Variants in ESRRG observed in about 807,000 individuals in gnomAD.
ESRRG encodes estrogen-related receptor gamma.
ESRRG carries 13 observed loss-of-function variants against 44.0 expected under a neutral mutation model. That is an observed-to-expected ratio of 0.30 (90% CI 0.19 to 0.47). ESRRG has a LOEUF of 0.47. Ranked by LOEUF, ESRRG falls within the 20% of genes least tolerant of loss-of-function variation. The pLI is 1.00. For missense variants in ESRRG, 395 were observed against 580.6 expected (o/e 0.68, Z 3.29); for synonymous variants, 215 against 214.6 (o/e 1.00, Z -0.02).
chr1:216,799,807 C>T (rs1466546234), intron 2 of ESRRG, among the ~76,000 whole-genome samples: 3 of 152,098 alleles, frequency 2.0e-5, no homozygotes, highest in African/African-American at 7.2e-5. Context: ...AAAACAGAAA[C>T]ATTCCAGGCA....
At chr1:216,655,571 C>T (rs1258939765) in intron 2 of ESRRG, among the ~76,000 whole-genome samples, 1 of 152,160 alleles carries the variant, frequency 6.6e-6, no homozygotes, top group Admixed American at 6.5e-5. Context: ...GTGGTCCTAG[C>T]ATCTTCACAA....
chr1:216,503,586 C>T lies in ESRRG; in HGVS notation c.*3353G>A, dbSNP rs550858150. Reference sequence around the variant, plus strand: ...GCAGTTTAAATTTTTTGTCCTTTTACGATCTTTGCACATAAGACTGCCATA... The same window carrying T: ...GCAGTTTAAATTTTTTGTCCTTTTATGATCTTTGCACATAAGACTGCCATA... On this transcript the variant is annotated 3_prime_UTR_variant, in exon 7 of 7. Transcript: ENST00000408911. 13 of 152,362 alleles carry T rather than the reference C, an allele frequency of 8.5e-5. No homozygotes were observed. Among genetic ancestry groups the T allele is most frequent in the African/African-American group, 2.7e-4 (11 of 41,366 alleles). 9.4% of individuals were successfully genotyped at this position (152,362 alleles called of 1,614,324 possible). A position where few individuals can be genotyped will look rare whatever the true frequency, so the allele number is the denominator to read the frequency against.
intron 2 of ESRRG, among the ~76,000 whole-genome samples, chr1:216,873,886 GGGAAGGGAAGGGAAGGGAAGGGA>G (rs2096298616): frequency 3.1e-4 from 9 of 29,102 alleles, no homozygotes; most frequent in African/African-American, 1.2e-3. Flanking sequence ...AGGGAGGGAA[GGGAAGGGAAGGGAAGGGAAGGGA>G]AGGGAAGGGA....
intron 1 of ESRRG, among the ~76,000 whole-genome samples, chr1:216,985,203 G>A (rs943449380): frequency 2.6e-5 from 4 of 152,178 alleles, no homozygotes; most frequent in African/African-American, 9.7e-5. Flanking sequence ...AGGTGTGATA[G>A]GGCAGGAGAT....
At chr1:217,084,509 T>C (rs1166112272) in intron 1 of ESRRG, among the ~76,000 whole-genome samples, 5 of 152,186 alleles carry the variant, frequency 3.3e-5, no homozygotes, top group Admixed American at 3.3e-4. Context: ...CGTAGATATC[T>C]GGAAATATGG....
chr1:216,564,950 A>G (rs1277915252), intron 4 of ESRRG, among the ~76,000 whole-genome samples: 1 of 152,116 alleles, frequency 6.6e-6, no homozygotes, highest in Admixed American at 6.6e-5. Flanking sequence ...TGCATTAAAT[A>G]GGAATTTATT....
intron 2 of ESRRG, among the ~76,000 whole-genome samples, chr1:216,669,920 T>C (rs1403793333): frequency 6.6e-6 from 1 of 152,080 alleles, no homozygotes; most frequent in Non-Finnish European, 1.5e-5. Flanking sequence ...AGCAATGAAT[T>C]ATATACAACA....
At chr1:216,998,153 C>T (rs1442354386) in intron 1 of ESRRG, among the ~76,000 whole-genome samples, 2 of 152,140 alleles carry the variant, frequency 1.3e-5, no homozygotes, top group Non-Finnish European at 2.9e-5. Flanking sequence ...GTAGAAGCAG[C>T]TAACCTCTTG....
At chr1:216,947,217 C>T (rs1225747872) in intron 1 of ESRRG, among the ~76,000 whole-genome samples, 2 of 151,998 alleles carry the variant, frequency 1.3e-5, no homozygotes, top group East Asian at 1.9e-4. Flanking sequence ...TCTGTCTTCT[C>T]GGTACACTCT....
At chr1:216,871,604 C>T (rs887177225) in intron 2 of ESRRG, among the ~76,000 whole-genome samples, 1 of 152,006 alleles carries the variant, frequency 6.6e-6, no homozygotes, top group African/African-American at 2.4e-5. Context: ...GTAGATTTGC[C>T]TATTTCTACT....
At chr1:217,125,663 C>T (rs1231427762) in intron 1 of ESRRG, among the ~76,000 whole-genome samples, 1 of 152,148 alleles carries the variant, frequency 6.6e-6, no homozygotes, top group African/African-American at 2.4e-5. Flanking sequence ...AAAAACATGG[C>T]ATATCTATGG....
At chr1:216,575,715 T>G (rs1448700859) in intron 3 of ESRRG, among the ~76,000 whole-genome samples, 1 of 152,180 alleles carries the variant, frequency 6.6e-6, no homozygotes, top group Admixed American at 6.5e-5. Flanking sequence ...ATGTTTAAAC[T>G]GCTTCTCTGC....
intron 1 of ESRRG, chr1:216,707,374 A>T: frequency 6.5e-7 from 1 of 1,535,984 alleles, no homozygotes; most frequent in Non-Finnish European, 8.7e-7. Flanking sequence ...AGCTGAAGGA[A>T]CACAGGCCAG....
At chr1:216,951,788 A>G (rs1266542955) in intron 1 of ESRRG, among the ~76,000 whole-genome samples, 1 of 151,262 alleles carries the variant, frequency 6.6e-6, no homozygotes, top group Non-Finnish European at 1.5e-5. Context: ...CTTGCATTAA[A>G]TATGCTTAAA....
At chr1:216,948,789 C>T (rs551489891) in intron 1 of ESRRG, among the ~76,000 whole-genome samples, 19 of 151,932 alleles carry the variant, frequency 1.3e-4, no homozygotes, top group Non-Finnish European at 2.6e-4. Context: ...TTTTTTAGAC[C>T]AAAGCTGAAT....
At chr1:216,553,471 C>T (rs2056872593) in intron 5 of ESRRG, among the ~76,000 whole-genome samples, 1 of 152,016 alleles carries the variant, frequency 6.6e-6, no homozygotes. Context: ...TGGTCTTTTC[C>T]CCTTCTGGAC....
intron 1 of ESRRG, among the ~76,000 whole-genome samples, chr1:216,719,866 G>C (rs1015654925): frequency 6.6e-6 from 1 of 152,002 alleles, no homozygotes; most frequent in African/African-American, 2.4e-5. Flanking sequence ...AACCATCACT[G>C]TAAGAAGAAA....
chr1:216,981,702 C>T (rs965533575), intron 1 of ESRRG, among the ~76,000 whole-genome samples: 1 of 98,930 alleles, frequency 1.0e-5, no homozygotes, highest in Non-Finnish European at 2.3e-5. Context: ...AAGAGTTAAA[C>T]ACACACACAC....
intron 1 of ESRRG, among the ~76,000 whole-genome samples, chr1:216,995,013 G>T (rs982732967): frequency 1.3e-5 from 2 of 152,144 alleles, no homozygotes; most frequent in Admixed American, 1.3e-4. Context: ...ACAGAAGATG[G>T]CATTCGTCTT....
Sources: allele counts gnomAD v4.1 joint callset (sites outside exome capture counted in the v4.1 genomes callset), GRCh38; gene constraint gnomAD v4.1.1; transcripts MANE v1.5; gene names NCBI Gene and HGNC (gene_info 2026-07-23, HGNC 2026-07-21).